Variants in NLRP5 observed in about 807,000 individuals in gnomAD.
NLRP5 encodes the protein NLR family pyrin domain containing 5.
Under a neutral mutation model 113.1 loss-of-function variants are expected in NLRP5, and 93 were observed. The ratio of observed to expected loss-of-function variants is 0.82; its 90% CI spans 0.70 to 0.98. The LOEUF (loss-of-function observed/expected upper bound fraction) is 0.98. NLRP5 is among the 50% of genes least tolerant of loss of function. The pLI is 0.00. For synonymous variants in NLRP5, 751 were observed against 600.7 expected, an observed-to-expected ratio of 1.25 and a Z score of -3.66; for missense variants, 1,808 against 1,514.3, an observed-to-expected ratio of 1.19 and a Z score of -3.22.
intron 2 of NLRP5, among the ~76,000 whole-genome samples, chr19:56,008,414 C>T (rs1183415860): frequency 6.6e-6 from 1 of 151,896 alleles, no homozygotes; most frequent in African/African-American, 2.4e-5. Flanking sequence ...GTTGAAGGTA[C>T]CTGTATTTGG....
At chr19:56,013,200 GT>G (rs1371415456) in intron 3 of NLRP5, among the ~76,000 whole-genome samples, 1 of 151,860 alleles carries the variant, frequency 6.6e-6, no homozygotes, top group Non-Finnish European at 1.5e-5. Context: ...TTTGTTTTTT[GT>G]TTTTGTTTTG....
chr19:56,005,640 A>ACGCG (rs530215925), intron 2 of NLRP5, among the ~76,000 whole-genome samples: 6 of 141,976 alleles, frequency 4.2e-5, no homozygotes, highest in African/African-American at 1.4e-4. Flanking sequence ...ACACACACAC[A>ACGCG]CACGCGCGCA....
chr19:55,994,099 A>G, the NLRP5 span, among the ~76,000 whole-genome samples: 1 of 152,026 alleles, frequency 6.6e-6, no homozygotes, highest in Admixed American at 6.6e-5. Context: ...AGTGGAAAGG[A>G]GTTTCTTTCT....
chr19:56,042,161 G>A (rs1478733157), intron 11 of NLRP5, among the ~76,000 whole-genome samples: 5 of 152,098 alleles, frequency 3.3e-5, no homozygotes, highest in Non-Finnish European at 7.4e-5. Flanking sequence ...GTATTGATTT[G>A]GAGAATTACC....
At chr19:56,057,767 T>C (rs1176558252) in intron 13 of NLRP5, among the ~76,000 whole-genome samples, 6 of 152,284 alleles carry the variant, frequency 3.9e-5, no homozygotes, top group Non-Finnish European at 7.3e-5. Flanking sequence ...GGCTCATGCC[T>C]GTAATTCCAG....
intron 11 of NLRP5, among the ~76,000 whole-genome samples, chr19:56,041,573 A>G (rs1389130867): frequency 2.0e-5 from 3 of 152,202 alleles, no homozygotes; most frequent in South Asian, 2.1e-4. Flanking sequence ...CCTATCTGAC[A>G]CAAGTGATGG....
chr19:55,999,212 C>CTT (rs906346601), upstream of NLRP5, among the ~76,000 whole-genome samples: 4,544 of 111,650 alleles, frequency 0.041, 223 homozygotes, highest in African/African-American at 0.064. Flanking sequence ...TTTTCTTTTT[C>CTT]TTTTTTTTTT....
intron 13 of NLRP5, 135 bp from the exon 14 acceptor site, chr19:56,058,105 C>T: frequency 1.5e-6 from 1 of 669,760 alleles, no homozygotes; most frequent in South Asian, 2.5e-5. Context: ...CAGAGCCCAC[C>T]AGTTTCATTT....
At chr19:56,053,849 G>C (rs78714641) in intron 13 of NLRP5, 41 bp downstream of exon 13, 16 of 1,591,986 alleles carry the variant, frequency 1.0e-5, no homozygotes, top group Non-Finnish European at 1.3e-5. Flanking sequence ...GGGCTGGGAG[G>C]AGGTGGGGGA....
intron 8 of NLRP5, 32 bp downstream of exon 8, chr19:56,032,813 C>T (rs369538319): frequency 1.2e-4 from 188 of 1,573,908 alleles, no homozygotes; most frequent in Non-Finnish European, 1.5e-4. Flanking sequence ...GAGAGAATCC[C>T]TTCCCATGAC....
At chr19:56,051,809 G>A (rs1265479884) in intron 12 of NLRP5, among the ~76,000 whole-genome samples, 2 of 152,122 alleles carry the variant, frequency 1.3e-5, no homozygotes, top group Non-Finnish European at 2.9e-5. Flanking sequence ...ACGCTTGTAT[G>A]CTTGGTAGCA....
rs1983214079 is a variant in NLRP5 at position 56,033,839 on chromosome 19, T to C, written c.2615+130T>C. The C allele has an allele frequency of 1.4e-5, 10 of 736,692 alleles. No homozygotes were observed. In the East Asian group the frequency reaches 2.0e-4, roughly 15 times the overall value. The allele number at this position is 736,692 out of a possible 1,614,324, so 45.6% of individuals were successfully genotyped here. A position where few individuals can be genotyped will look rare whatever the true frequency, so the allele number is the denominator to read the frequency against. ...TTTTGGTGATGGATGGTGGTGACGA[T>C]TGCAGGAGTTGAGTGCCACTGAATT... On this transcript the variant is annotated intron_variant, in intron 9 of 14. Coordinates refer to ENST00000390649, the MANE Select transcript of NLRP5 (RefSeq NM_153447.4).
upstream of NLRP5, chr19:55,999,689 C>G (rs368099757): frequency 6.7e-7 from 1 of 1,496,360 alleles, no homozygotes; most frequent in Non-Finnish European, 9.3e-7. Flanking sequence ...GAGAGCCCAG[C>G]CTTCGATGTT....
At chr19:56,059,488 C>T (rs1348412809) in intron 14 of NLRP5, among the ~76,000 whole-genome samples, 2 of 152,150 alleles carry the variant, frequency 1.3e-5, no homozygotes, top group Non-Finnish European at 2.9e-5. Context: ...AAATGTACAG[C>T]TGGCAGCATT....
At chr19:56,037,714 A>AAAAAAAAAAAAAAAG (rs200215825) in intron 9 of NLRP5, among the ~76,000 whole-genome samples, 1 of 131,672 alleles carries the variant, frequency 7.6e-6, no homozygotes, top group Non-Finnish European at 1.6e-5. Context: ...AAAAAAAAAA[A>AAAAAAAAAAAAAAAG]TGTTGGCTGG....
intron 13 of NLRP5, among the ~76,000 whole-genome samples, chr19:56,054,580 AAAAAC>A (rs1265938396): frequency 1.3e-5 from 2 of 151,988 alleles, no homozygotes; most frequent in Non-Finnish European, 2.9e-5. Flanking sequence ...AAAAAAAAAA[AAAAAC>A]GTGCTGATAC....
Position 56,061,696 on chromosome 19 carries a change from G to T in NLRP5, c.*168G>T. 1.4e-6 allele frequency: 1 copy of T among 740,606 alleles called. No individual in the cohort carries two copies. Among genetic ancestry groups the T allele is most frequent in the Admixed American group, 2.8e-5 (1 of 35,972 alleles). The allele number at this position is 740,606 out of a possible 1,614,324, so 45.9% of individuals were successfully genotyped here. ...ATTCTTCTGTGTTCACTCTACGTTG[G>T]TTACTGGATTTGAAGGCTAGAGACC... On this transcript the variant is annotated 3_prime_UTR_variant, in exon 15 of 15. Coordinates refer to ENST00000390649, the MANE Select transcript of NLRP5 (RefSeq NM_153447.4).
intron 2 of NLRP5, among the ~76,000 whole-genome samples, chr19:56,006,342 T>G (rs1305899677): frequency 6.6e-6 from 1 of 152,044 alleles, no homozygotes; most frequent in East Asian, 1.9e-4. Context: ...AGTTAATGGG[T>G]GCAGCACACC....
At chr19:55,993,193 C>A in the NLRP5 span, among the ~76,000 whole-genome samples, 1 of 151,790 alleles carries the variant, frequency 6.6e-6, no homozygotes, top group Admixed American at 6.6e-5. Context: ...ATGATCAAAT[C>A]AGGGGACTTA....
Sources: gnomAD v4.1 joint callset for allele counts (sites outside exome capture counted in the v4.1 genomes callset) on GRCh38, gnomAD v4.1.1 for gene constraint, MANE v1.5 for transcripts, NCBI Gene and HGNC (gene_info 2026-07-23, HGNC 2026-07-21) for gene names.